The following KIRREL3 variants were observed in gnomAD, a reference collection of about 807,000 sequenced individuals.
KIRREL3 encodes the protein kirre like nephrin family adhesion molecule 3, also known as kin of IRRE-like protein 3.
A neutral mutation model predicts 89.7 loss-of-function variants in KIRREL3; 36 were observed. The ratio of observed to expected loss-of-function variants is 0.40; its 90% CI spans 0.31 to 0.53. The LOEUF (loss-of-function observed/expected upper bound fraction) is 0.53. Ranked by LOEUF, KIRREL3 falls within the 20% of genes least tolerant of loss-of-function variation. The probability of loss-of-function intolerance (pLI) is 0.49; values close to 1 mark genes in which losing one functional copy is unlikely to be tolerated. For synonymous variants in KIRREL3, 445 were observed against 441.4 expected, an observed-to-expected ratio of 1.01 and a Z score of -0.10; for missense variants, 864 against 1,056.6, an observed-to-expected ratio of 0.82 and a Z score of 2.53.
intron 8 of KIRREL3, among the ~76,000 whole-genome samples, chr11:126,448,556 A>T (rs956009609): frequency 3.9e-5 from 6 of 152,194 alleles, no homozygotes; most frequent in African/African-American, 1.4e-4. Flanking sequence ...TGGTAGTAGG[A>T]GGAGGAGCTT....
chr11:126,843,404 T>C lies in KIRREL3; in HGVS notation c.55+157051A>G, dbSNP rs1486173980. 6.6e-6 allele frequency among the ~76,000 whole-genome samples: 1 copy of C among 151,668 alleles called. No homozygotes were observed. Among genetic ancestry groups the C allele is most frequent in the Non-Finnish European group, 1.5e-5 (1 of 67,932 alleles). On this transcript the variant is annotated intron_variant, in intron 1 of 16. Coordinates refer to ENST00000525144, the MANE Select transcript of KIRREL3 (RefSeq NM_032531.4). This position sits in a 1 kb window ranked among gnomAD's most constrained non-coding sequence, Gnocchi z 4.6. ...AGTGAGATTTCATGGGAGGTTGGAG[T>C]GGGTGAGCTCACTCACTCTGCCGTA...
At chr11:126,913,683 T>C (rs1946916855) in intron 1 of KIRREL3, among the ~76,000 whole-genome samples, 1 of 152,246 alleles carries the variant, frequency 6.6e-6, no homozygotes, top group Admixed American at 6.5e-5. Context: ...CTTTAGTCAA[T>C]TGGAGTCAGT....
rs1197315249 is a variant in KIRREL3 at position 126,643,337 on chromosome 11, G to A, written c.56-80425C>T. Among the ~76,000 whole-genome samples, 3 of 152,212 alleles carry A rather than the reference G, an allele frequency of 2.0e-5. No individual in the cohort carries two copies. Among genetic ancestry groups the A allele is most frequent in the Admixed American group, 6.5e-5 (1 of 15,286 alleles). ...ATAAAGAAAATGTTAGGGAAACACA[G>A]AGGGGAGCTCATCAATAGTTGAAGA... On this transcript the variant is annotated intron_variant, in intron 1 of 16. Transcript: ENST00000525144. The surrounding 1 kb of genome is among the most constrained non-coding windows in gnomAD (Gnocchi z 4.5).
intron 1 of KIRREL3, among the ~76,000 whole-genome samples, chr11:126,735,056 T>A (rs1236267484): frequency 6.6e-6 from 1 of 152,212 alleles, no homozygotes; most frequent in South Asian, 2.1e-4. Flanking sequence ...GGCTTTCCTA[T>A]GGGACTGTTG....
intron 1 of KIRREL3, among the ~76,000 whole-genome samples, chr11:126,650,101 TAGCG>T (rs1944852036): frequency 6.6e-6 from 1 of 152,182 alleles, no homozygotes; most frequent in Non-Finnish European, 1.5e-5. Context: ...GCCATGGCTG[TAGCG>T]GCTGGGATGC....
chr11:126,926,408 G>C (rs186320587), intron 1 of KIRREL3, among the ~76,000 whole-genome samples: 2 of 152,194 alleles, frequency 1.3e-5, no homozygotes, highest in African/African-American at 2.4e-5. Flanking sequence ...ATATTTCCCT[G>C]TCATATGGTA....
intron 1 of KIRREL3, among the ~76,000 whole-genome samples, chr11:126,787,386 C>T (rs1950515823): frequency 6.6e-6 from 1 of 152,062 alleles, no homozygotes; most frequent in East Asian, 1.9e-4. Context: ...TAAATCATTG[C>T]CAAATGCTAA....
intron 1 of KIRREL3, among the ~76,000 whole-genome samples, chr11:126,842,480 T>C (rs1369754338): frequency 6.6e-6 from 1 of 152,212 alleles, no homozygotes; most frequent in East Asian, 1.9e-4. Flanking sequence ...ATATATCCAC[T>C]GCAAGACCAT....
At chr11:126,660,874 T>C (rs1176609942) in intron 1 of KIRREL3, among the ~76,000 whole-genome samples, 1 of 152,162 alleles carries the variant, frequency 6.6e-6, no homozygotes, top group Non-Finnish European at 1.5e-5. Context: ...CTATAGGGGA[T>C]AGAGGCTTGG....
In KIRREL3 at chr11:126,571,596, A is replaced by G. The variant is rs1380531314; in HGVS notation, c.56-8684T>C. Among the ~76,000 whole-genome samples the G allele has an allele frequency of 1.3e-5, 2 of 152,180 alleles. No homozygotes were observed. The highest frequency in any genetic ancestry group is 2.9e-5 in the Non-Finnish European group (2 of 68,032). On this transcript the variant is annotated intron_variant, in intron 1 of 16. Coordinates refer to ENST00000525144, the MANE Select transcript of KIRREL3 (RefSeq NM_032531.4). This position sits in a 1 kb window ranked among gnomAD's most constrained non-coding sequence, Gnocchi z 7.7. ...CTTCTTTATTCCTCATCAAAACTCT[A>G]TAAGGTAAGTGCTGTTATTATTCCT...
chr11:126,523,540 C>T lies in KIRREL3; in HGVS notation c.284-2076G>A, dbSNP rs1958659945. 6.6e-6 allele frequency among the ~76,000 whole-genome samples: 1 copy of T among 152,168 alleles called. No homozygotes were observed. Among genetic ancestry groups the T allele is most frequent in the Non-Finnish European group, 1.5e-5 (1 of 68,034 alleles). On this transcript the variant is annotated intron_variant, in intron 3 of 16. Transcript: ENST00000525144. The surrounding 1 kb of genome is among the most constrained non-coding windows in gnomAD (Gnocchi z 4.9). ...GCCCTGTCCTCCCCAGCTGTGCAGGCCTGGCCAGAAAAGCTCACAAGGCCA... is the reference window on the plus strand; with the variant it reads ...GCCCTGTCCTCCCCAGCTGTGCAGGTCTGGCCAGAAAAGCTCACAAGGCCA...
chr11:126,440,243 C>A (rs905064229), intron 11 of KIRREL3: 2 of 702,374 alleles, frequency 2.8e-6, no homozygotes, highest in Non-Finnish European at 5.2e-6. Flanking sequence ...GCAGCTGAAC[C>A]CTGGGAGAGC....
intron 1 of KIRREL3, among the ~76,000 whole-genome samples, chr11:126,942,293 C>T (rs186511587): frequency 1.2e-3 from 185 of 152,274 alleles, no homozygotes; most frequent in Middle Eastern, 6.8e-3. Context: ...CCTAGCATCA[C>T]GCCTGGCACA....
chr11:126,737,629 T>G (rs1948848117), intron 1 of KIRREL3, among the ~76,000 whole-genome samples: 2 of 152,198 alleles, frequency 1.3e-5, no homozygotes, highest in African/African-American at 4.8e-5. Flanking sequence ...ACACAGTACA[T>G]GCCTGCCTCT....
chr11:126,925,699 G>C (rs868109426), intron 1 of KIRREL3, among the ~76,000 whole-genome samples: 3 of 152,174 alleles, frequency 2.0e-5, no homozygotes, highest in Non-Finnish European at 2.9e-5. Flanking sequence ...AGGTGAGAAC[G>C]TTGTGGTCAC....
At chr11:126,543,562 C>G (rs1193375194) in intron 2 of KIRREL3, among the ~76,000 whole-genome samples, 1 of 152,094 alleles carries the variant, frequency 6.6e-6, no homozygotes, top group African/African-American at 2.4e-5. Flanking sequence ...GGTGTTTGAT[C>G]TGTGTGGTTT....
At chr11:126,859,009 G>A (rs796508159) in intron 1 of KIRREL3, among the ~76,000 whole-genome samples, 15 of 152,304 alleles carry the variant, frequency 9.8e-5, no homozygotes, top group African/African-American at 3.6e-4. Context: ...GCTATGTACA[G>A]GGTTCCTGGT....
At position 126,476,723 on chromosome 11, in the gene KIRREL3, A is replaced by G. The variant is rs527433042; in HGVS notation, c.434-3257T>C. 3.9e-5 allele frequency among the ~76,000 whole-genome samples: 6 copies of G among 152,000 alleles called. No individual in the cohort carries two copies. In the South Asian group the frequency reaches 1.2e-3, roughly 32 times the overall value. On this transcript the variant is annotated intron_variant, in intron 4 of 16. Transcript: ENST00000525144. This position sits in a 1 kb window ranked among gnomAD's most constrained non-coding sequence, Gnocchi z 6.4. ...GTTTGGGGGCCAGCAGGCTGAAGAG[A>G]AATCAGCAGTCGCTCTTGGCAGCTG...
chr11:126,450,241 A>C (rs1202532638), intron 7 of KIRREL3, among the ~76,000 whole-genome samples: 1 of 147,740 alleles, frequency 6.8e-6, no homozygotes, highest in Non-Finnish European at 1.5e-5. Context: ...GTGCATATGA[A>C]TATGCATGTG....
Sources: allele counts gnomAD v4.1 joint callset (sites outside exome capture counted in the v4.1 genomes callset), GRCh38; gene constraint gnomAD v4.1.1; non-coding constraint Gnocchi (gnomAD v3.1); transcripts MANE v1.5; gene names NCBI Gene and HGNC (gene_info 2026-07-23, HGNC 2026-07-21).